The following SNTG1 variants were observed in gnomAD, a reference collection of about 807,000 sequenced individuals.
SNTG1 encodes the protein gamma-1-syntrophin.
In SNTG1, 39 loss-of-function variants were observed where a neutral mutation model predicts 74.7. That is an observed-to-expected ratio of 0.52 (90% CI 0.40 to 0.68). The LOEUF is 0.68. Ranked by LOEUF, SNTG1 falls within the 30% of genes least tolerant of loss-of-function variation. The probability of loss-of-function intolerance (pLI) is 0.00; values close to 1 mark genes in which losing one functional copy is unlikely to be tolerated. For synonymous variants in SNTG1, 254 were observed against 217.1 expected (o/e 1.17, Z -1.49); for missense variants, 685 against 609.5 (o/e 1.12, Z -1.30).
intron 18 of SNTG1, among the ~76,000 whole-genome samples, chr8:50,787,159 AAATAAAAATT>A (rs2095678009): frequency 6.6e-6 from 1 of 151,900 alleles, no homozygotes; most frequent in African/African-American, 2.4e-5. Context: ...TAAATACCCC[AAATAAAAATT>A]GACAAAGGAT....
intron 2 of SNTG1, among the ~76,000 whole-genome samples, chr8:50,214,357 A>G (rs1183568328): frequency 2.0e-5 from 3 of 151,798 alleles, no homozygotes; most frequent in African/African-American, 7.3e-5. Flanking sequence ...ATGTATACAT[A>G]TGTAACTAAC....
intron 12 of SNTG1, among the ~76,000 whole-genome samples, chr8:50,575,467 T>C (rs997205749): frequency 6.6e-6 from 1 of 152,158 alleles, no homozygotes; most frequent in Admixed American, 6.6e-5. Context: ...AGTGACTGCA[T>C]AGCATGCCCA....
At chr8:49,938,269 G>T (rs1377276123) in intron 1 of SNTG1, among the ~76,000 whole-genome samples, 1 of 152,176 alleles carries the variant, frequency 6.6e-6, no homozygotes, top group African/African-American at 2.4e-5. Context: ...CCCATGATGT[G>T]TTCCCAAATA....
chr8:50,676,751 T>G (rs10958028), intron 15 of SNTG1, among the ~76,000 whole-genome samples: 31,611 of 151,806 alleles, frequency 0.21, 3,365 homozygotes, highest in South Asian at 0.31. Flanking sequence ...AATTTCATAT[T>G]ATTCTGTAAT....
At chr8:50,569,581 T>C (rs73587004) in intron 12 of SNTG1, among the ~76,000 whole-genome samples, 3,466 of 151,932 alleles carry the variant, frequency 0.023, 129 homozygotes, top group African/African-American at 0.079. Context: ...TCTGCCACAT[T>C]GAAAAGGCTC....
intron 4 of SNTG1, among the ~76,000 whole-genome samples, chr8:50,433,501 A>G (rs1159348570): frequency 6.9e-5 from 10 of 144,860 alleles, no homozygotes; most frequent in African/African-American, 2.3e-4. Context: ...TTTCATTCTA[A>G]TTCTTCATTT....
intron 13 of SNTG1, among the ~76,000 whole-genome samples, chr8:50,648,643 G>A (rs2095125377): frequency 6.6e-6 from 1 of 151,920 alleles, no homozygotes; most frequent in East Asian, 1.9e-4. Context: ...GTAGAAAACT[G>A]TTATTAATAC....
intron 4 of SNTG1, among the ~76,000 whole-genome samples, chr8:50,429,471 C>A (rs541424272): frequency 5.9e-5 from 9 of 152,252 alleles, no homozygotes; most frequent in African/African-American, 1.7e-4. Flanking sequence ...ACACCACATA[C>A]AAAAGTTAAT....
intron 8 of SNTG1, among the ~76,000 whole-genome samples, chr8:50,470,646 G>T (rs902993847): frequency 6.6e-6 from 1 of 152,106 alleles, no homozygotes; most frequent in African/African-American, 2.4e-5. Flanking sequence ...CTTAAATGTG[G>T]TGCGTCCGGA....
rs188165120 is a variant in SNTG1 at position 50,106,324 on chromosome 8, C to T, written c.-102-66237C>T. 3.3e-4 allele frequency among the ~76,000 whole-genome samples: 50 copies of T among 152,230 alleles called. 1 individual carries two copies. Among genetic ancestry groups the T allele is most frequent in the Non-Finnish European group, 4.4e-5 (3 of 67,998 alleles). ...AACTCACTCACTATCATGAGAATAA[C>T]ATGGGGGGAATCCACCTCCATGATC... On this transcript the variant is annotated intron_variant, in intron 1 of 18. Transcript: ENST00000642720.
intron 9 of SNTG1, among the ~76,000 whole-genome samples, chr8:50,527,341 C>A (rs572949557): frequency 1.3e-5 from 2 of 152,030 alleles, no homozygotes; most frequent in South Asian, 4.2e-4. Flanking sequence ...GCTTTATTTC[C>A]TTTTATTGTT....
chr8:50,202,390 T>A (rs1344671023), intron 2 of SNTG1, among the ~76,000 whole-genome samples: 1 of 152,088 alleles, frequency 6.6e-6, no homozygotes, highest in Non-Finnish European at 1.5e-5. Context: ...GAATTACTGC[T>A]CTTTGTATCA....
At chr8:50,033,416 G>C (rs1170965252) in intron 1 of SNTG1, among the ~76,000 whole-genome samples, 1 of 152,046 alleles carries the variant, frequency 6.6e-6, no homozygotes, top group African/African-American at 2.4e-5. Context: ...GAGCCACTGC[G>C]CCCAGCCAAT....
intron 1 of SNTG1, among the ~76,000 whole-genome samples, chr8:50,136,557 C>T (rs16914321): frequency 0.046 from 7,042 of 152,146 alleles, 388 homozygotes; most frequent in South Asian, 0.14. Context: ...AGCTAAAGGG[C>T]ACAGACTCCT....
chr8:50,204,343 C>T (rs1179144968), intron 2 of SNTG1, among the ~76,000 whole-genome samples: 1 of 152,024 alleles, frequency 6.6e-6, no homozygotes, highest in Admixed American at 6.6e-5. Context: ...AGTCAACACT[C>T]AGTATCTGGG....
At chr8:49,968,067 A>T (rs888328400) in intron 1 of SNTG1, among the ~76,000 whole-genome samples, 1 of 150,956 alleles carries the variant, frequency 6.6e-6, no homozygotes, top group African/African-American at 2.5e-5. Context: ...TACCTGGTGA[A>T]CAGTCTTTGT....
intron 1 of SNTG1, among the ~76,000 whole-genome samples, chr8:50,067,569 T>G (rs1287269147): frequency 1.3e-5 from 2 of 152,246 alleles, no homozygotes; most frequent in Non-Finnish European, 2.9e-5. Flanking sequence ...GTCTTCCCTT[T>G]GACAATCTGT....
intron 1 of SNTG1, among the ~76,000 whole-genome samples, chr8:50,005,236 C>G (rs539498095): frequency 1.3e-5 from 2 of 151,904 alleles, no homozygotes; most frequent in East Asian, 3.9e-4. Flanking sequence ...GAAAACAGAG[C>G]ATAACAGACA....
rs1808346560 is a variant in SNTG1, at chr8:49,938,602, C to CTTTTCTTT, written c.-103+26372_-103+26379dup. Among the ~76,000 whole-genome samples the CTTTTCTTT allele has an allele frequency of 3.7e-4, 3 of 8,114 alleles. 1 individual carries two copies. The East Asian group carries it at 0.094, about 254-fold the overall frequency. 5.3% of individuals were successfully genotyped at this position (8,114 alleles called of 152,430 possible). On this transcript the variant is annotated intron_variant, in intron 1 of 18. Coordinates refer to ENST00000642720, the MANE Select transcript of SNTG1 (RefSeq NM_018967.5). ...CTTTTCTTTTCTTTTCTTTTCTTTT[C>CTTTTCTTT]TTTTCTTTCTTTCTTTCTTTCTTTC...
Sources: gnomAD v4.1 joint callset for allele counts (sites outside exome capture counted in the v4.1 genomes callset) on GRCh38, gnomAD v4.1.1 for gene constraint, MANE v1.5 for transcripts, NCBI Gene and HGNC (gene_info 2026-07-23, HGNC 2026-07-21) for gene names.